Variants in OBI1 observed in about 807,000 individuals in gnomAD.
The protein encoded by OBI1 is ring finger protein 219.
Under a neutral mutation model 62.4 loss-of-function variants are expected in OBI1, and 59 were observed. The observed-to-expected ratio is 0.95, with a 90% CI of 0.77 to 1.17. The LOEUF (loss-of-function observed/expected upper bound fraction) is 1.17, where lower values mean the gene tolerates loss of function less well. Ranked by LOEUF, OBI1 falls within the 50% of genes most tolerant of loss-of-function variation. OBI1 has a pLI of 0.00. For missense variants in OBI1, 875 were observed against 830.9 expected (o/e 1.05, Z -0.65); for synonymous variants, 302 against 292.8 (o/e 1.03, Z -0.32).
At chr13:78,656,555 C>T (rs565921307) in intron 1 of OBI1, among the ~76,000 whole-genome samples, 2 of 151,364 alleles carry the variant, frequency 1.3e-5, no homozygotes, top group African/African-American at 4.8e-5. Flanking sequence ...GCTCTCCAGC[C>T]CGGGCAACAA....
chr13:78,620,195 G>C (rs1045528637), intron 5 of OBI1, among the ~76,000 whole-genome samples: 10 of 152,132 alleles, frequency 6.6e-5, no homozygotes, highest in African/African-American at 2.2e-4. Flanking sequence ...CCTTATTATA[G>C]AGAAATAACA....
At chr13:78,657,077 G>A (rs939937202) in intron 1 of OBI1, among the ~76,000 whole-genome samples, 1 of 151,912 alleles carries the variant, frequency 6.6e-6, no homozygotes, top group African/African-American at 2.4e-5. Flanking sequence ...GAGCCACCGC[G>A]CCTGGCTTAA....
At chr13:78,642,677 G>A (rs967721278) in intron 2 of OBI1, among the ~76,000 whole-genome samples, 14 of 152,222 alleles carry the variant, frequency 9.2e-5, no homozygotes, top group African/African-American at 3.4e-4. Flanking sequence ...GAGGCCAGGA[G>A]ATAGAGACCA....
rs138308159 is a variant in OBI1 at position 78,616,602 on chromosome 13, G to A, written c.1159C>T (p.Pro387Ser). ...AGGGACAAAGGAGTACAAGGAGCTG[G>A]AAGATCATAAAGTTCTTCATCTTTG... is the stretch of plus-strand genomic sequence containing the variant. ...PYKDEELYDL[P>S]APCTPLSLSC... Residue 387 changes from proline to serine, a missense_variant, in exon 6 of 6, where the codon CCA (proline) becomes TCA (serine). Physicochemically the swap from Pro to Ser is moderately conservative, Grantham distance 74. Transcript: ENST00000282003. The A allele has an allele frequency of 5.1e-5, 82 of 1,614,170 alleles. No individual in the cohort carries two copies. In the African/African-American group the frequency reaches 9.6e-4, roughly 19 times the overall value.
intron 5 of OBI1, among the ~76,000 whole-genome samples, chr13:78,630,942 A>G (rs560623637): frequency 1.3e-5 from 2 of 152,248 alleles, no homozygotes; most frequent in East Asian, 1.9e-4. Context: ...TTCATATTCA[A>G]ATTTACCCAG....
intron 1 of OBI1, among the ~76,000 whole-genome samples, chr13:78,647,442 G>C (rs1876418481): frequency 6.6e-6 from 1 of 152,230 alleles, no homozygotes; most frequent in Non-Finnish European, 1.5e-5. Context: ...AGATGTTTGG[G>C]TGGAGAGAAG....
At chr13:78,649,117 T>C (rs912511326) in intron 1 of OBI1, among the ~76,000 whole-genome samples, 1 of 152,190 alleles carries the variant, frequency 6.6e-6, no homozygotes, top group Non-Finnish European at 1.5e-5. Context: ...TTTGTGATGC[T>C]AAGCCCATTT....
In OBI1 at chr13:78,614,995, T is replaced by C. The variant is rs1398680404; in HGVS notation, c.*585A>G. 6.6e-6 allele frequency: 1 copy of C among 151,520 alleles called. No homozygotes were observed. The highest frequency in any genetic ancestry group is 1.9e-4 in the East Asian group (1 of 5,164). 9.4% of individuals were successfully genotyped at this position (151,520 alleles called of 1,614,324 possible). A position where few individuals can be genotyped will look rare whatever the true frequency, so the allele number is the denominator to read the frequency against. ...ATAAAACCTAAAAAAAGAAAGTAAA[T>C]CAATATTGGACTAAGGCTAGAGTGC... On this transcript the variant is annotated 3_prime_UTR_variant, in exon 6 of 6. Transcript: ENST00000282003.
chr13:78,644,379 C>T (rs556722980), intron 2 of OBI1, among the ~76,000 whole-genome samples: 146 of 152,244 alleles, frequency 9.6e-4, no homozygotes, highest in Non-Finnish European at 1.6e-3. Flanking sequence ...AAGTAGACTA[C>T]TGATCATTTC....
chr13:78,631,276 CA>C (rs1950866135), intron 5 of OBI1, among the ~76,000 whole-genome samples: 3 of 152,086 alleles, frequency 2.0e-5, no homozygotes, highest in Admixed American at 2.0e-4. Context: ...TCAAACAGAA[CA>C]AAGTCATAAA....
chr13:78,652,910 G>A (rs114291915), intron 1 of OBI1, among the ~76,000 whole-genome samples: 1,550 of 152,254 alleles, frequency 0.01, 14 homozygotes, highest in African/African-American at 0.035. Context: ...ATATCCCCCA[G>A]GTGTAAAGGA....
chr13:78,654,569 A>C (rs899603683), intron 1 of OBI1, among the ~76,000 whole-genome samples: 4 of 152,232 alleles, frequency 2.6e-5, no homozygotes, highest in Admixed American at 1.3e-4. Flanking sequence ...TCTAAGTTGC[A>C]TAAGGCTTTG....
intron 5 of OBI1, among the ~76,000 whole-genome samples, chr13:78,627,602 G>A (rs1354330698): frequency 1.3e-5 from 2 of 152,160 alleles, no homozygotes; most frequent in Admixed American, 1.3e-4. Flanking sequence ...CAAAGGACAT[G>A]ATCTCATTCC....
Position 78,616,455 on chromosome 13 carries a change from T to C in OBI1, c.1306A>G (p.Asn436Asp), listed in dbSNP as rs896351818. ...TCTGAAGAATCTTTATTAGAAACAT[T>C]TGAAGAATCACAAAAATCATCAAAC... ...LVFDDFCDSS[N>D]VSNKDSSEDD... Residue 436 changes from asparagine (N) to aspartate (D), a missense_variant, in exon 6 of 6, where the codon AAT (asparagine) becomes GAT (aspartate). Physicochemically the swap from Asn to Asp is conservative, Grantham distance 23. Transcript: ENST00000282003. The C allele has an allele frequency of 3.1e-6, 5 of 1,613,864 alleles. No homozygotes were observed. Among genetic ancestry groups the C allele is most frequent in the Admixed American group, 3.3e-5 (2 of 59,970 alleles).
Position 78,626,945 on chromosome 13 carries a change from A to T in OBI1, c.638+8165T>A, listed in dbSNP as rs567706027. ...GCCGGGCATGGTGGCGGGCGCCTGTAGTCCCAGCTACTCAGGAGGCTGAGG... is the reference window on the plus strand; with the variant it reads ...GCCGGGCATGGTGGCGGGCGCCTGTTGTCCCAGCTACTCAGGAGGCTGAGG... On this transcript the variant is annotated intron_variant, in intron 5 of 5. Transcript: ENST00000282003. Among the ~76,000 whole-genome samples the T allele has an allele frequency of 1.6e-4, 25 of 152,296 alleles. No individual in the cohort carries two copies. The East Asian group carries it at 4.8e-3, about 29-fold the overall frequency.
chr13:78,631,695 T>C (rs1593791382), intron 5 of OBI1, among the ~76,000 whole-genome samples: 1 of 152,162 alleles, frequency 6.6e-6, no homozygotes, highest in Non-Finnish European at 1.5e-5. Flanking sequence ...GACAACGAGT[T>C]TGGATATTAG....
chr13:78,653,489 G>A lies in OBI1; in HGVS notation c.72+5560C>T, dbSNP rs111832150. ...GAGACTCTAAGAAATAATGATACAGGTTATAAATGGTAGAGCTAGCATTTG... is the reference window on the plus strand; with the variant it reads ...GAGACTCTAAGAAATAATGATACAGATTATAAATGGTAGAGCTAGCATTTG... On this transcript the variant is annotated intron_variant, in intron 1 of 5. Coordinates refer to ENST00000282003, the MANE Select transcript of OBI1 (RefSeq NM_024546.4). Among the ~76,000 whole-genome samples the A allele has an allele frequency of 6.7e-3, 1,019 of 152,338 alleles. 9 individuals carry two copies. The highest frequency in any genetic ancestry group is 0.014 in the Middle Eastern group (4 of 294).
intron 1 of OBI1, among the ~76,000 whole-genome samples, chr13:78,654,825 T>C (rs1212779214): frequency 6.6e-6 from 1 of 152,210 alleles, no homozygotes. Flanking sequence ...ACACAAGGCT[T>C]GAGTCCCTTC....
At chr13:78,638,272 A>C (rs765935237) in intron 4 of OBI1, among the ~76,000 whole-genome samples, 4 of 152,234 alleles carry the variant, frequency 2.6e-5, no homozygotes, top group Non-Finnish European at 4.4e-5. Context: ...AACTGAAAAA[A>C]ATGAACCAGT....
Sources: allele counts gnomAD v4.1 joint callset (sites outside exome capture counted in the v4.1 genomes callset), GRCh38; gene constraint gnomAD v4.1.1; transcripts MANE v1.5; gene names NCBI Gene and HGNC (gene_info 2026-07-23, HGNC 2026-07-21).